The following COL12A1 variants were observed in gnomAD, a reference collection of about 807,000 sequenced individuals.
The protein encoded by COL12A1 is collagen type XII alpha 1 chain, also known as collagen alpha-1(XII) chain.
A neutral mutation model predicts 349.7 loss-of-function variants in COL12A1; 114 were observed. The observed-to-expected ratio is 0.33, with a 90% confidence interval of 0.28 to 0.38. The LOEUF (loss-of-function observed/expected upper bound fraction) is 0.38. Ranked by LOEUF, COL12A1 falls within the 10% of genes least tolerant of loss-of-function variation. COL12A1 has a pLI of 1.00. For missense variants in COL12A1, 3,284 were observed against 3,756.9 expected (o/e 0.87, Z 3.29); for synonymous variants, 1,369 against 1,329.0 (o/e 1.03, Z -0.66).
rs370728186 is a variant in COL12A1, at chr6:75,101,589, A to G, written c.8523+11T>C. 39 of 1,612,578 alleles carry G rather than the reference A, an allele frequency of 2.4e-5. No homozygotes were observed. The highest frequency in any genetic ancestry group is 3.3e-5 in the Non-Finnish European group (39 of 1,179,432). Reference sequence around the variant, plus strand: ...TTCCAACATCATTGTAGCCTGCTCAAGAAAACTTACTCTGTCTCCTGGAGG... The same window carrying G: ...TTCCAACATCATTGTAGCCTGCTCAGGAAAACTTACTCTGTCTCCTGGAGG... On this transcript the variant is annotated intron_variant, in intron 58 of 65. Transcript: ENST00000322507.
At chr6:75,143,422 C>T in intron 25 of COL12A1, 34 bp from the exon 26 acceptor site, 1 of 1,602,406 alleles carries the variant, frequency 6.2e-7, no homozygotes, top group East Asian at 2.2e-5. Context: ...TCCAGATGTG[C>T]TTCTCAACCA....
rs1391133486 is a variant in COL12A1 at position 75,146,110 on chromosome 6, G to T, written c.4552C>A (p.Pro1518Thr). The T allele has an allele frequency of 6.3e-7, 1 of 1,598,182 alleles. No homozygotes were observed. The highest frequency in any genetic ancestry group is 8.5e-7 in the Non-Finnish European group (1 of 1,174,006). The change falls in exon 24 of 66, where the codon CCC (proline) becomes ACC (threonine). Residue 1518 changes from proline to threonine, a missense_variant. Coordinates refer to ENST00000322507, the MANE Select transcript of COL12A1 (RefSeq NM_004370.6). ...KPVKDTEPTR[P>T]KEVRLGPTVN... The stretch of plus-strand genomic sequence containing the variant: ...AAACAAACATCTTTCACCTCTTTGG[G>T]TCTTGTTGGCTCTGTGTCCTTAACA...
At chr6:75,128,661 A>G (rs979881073) in intron 37 of COL12A1, among the ~76,000 whole-genome samples, 25 of 152,328 alleles carry the variant, frequency 1.6e-4, no homozygotes, top group Middle Eastern at 3.4e-3. Flanking sequence ...CTTAACAGCC[A>G]CGTGACTTAA....
chr6:75,123,953 T>A lies in COL12A1; in HGVS notation c.6866A>T (p.His2289Leu). The stretch of plus-strand genomic sequence containing the variant: ...CAGATTCCTCAAAAACTTACTGGTA[T>A]GTTCTTTAACAGAGACTCCTGGTCC... ...LEGPGVSVKE[H>L]TTVKPTEAPT... The change falls in exon 42 of 66, where the codon CAT (histidine) becomes CTT (leucine). Residue 2289 changes from histidine (H) to leucine (L), a missense_variant. His to Leu is a moderately conservative substitution (Grantham distance 99). This residue lies in a region of COL12A1 where 2,601 missense variants were observed against 2,824.8 expected (regional missense o/e 0.92). Coordinates refer to ENST00000322507, the MANE Select transcript of COL12A1 (RefSeq NM_004370.6). 6.2e-7 allele frequency: 1 copy of A among 1,606,712 alleles called. No homozygotes were observed. The highest frequency in any genetic ancestry group is 8.5e-7 in the Non-Finnish European group (1 of 1,174,834).
At chr6:75,155,497 C>A (rs915255021) in intron 16 of COL12A1, among the ~76,000 whole-genome samples, 165 bp downstream of exon 16, 3 of 152,132 alleles carry the variant, frequency 2.0e-5, no homozygotes, top group Admixed American at 2.0e-4. Context: ...AACTTCAACT[C>A]CAGCAGCACC....
chr6:75,161,339 T>C lies in COL12A1; in HGVS notation c.2983+4168A>G, dbSNP rs191298585. The stretch of plus-strand genomic sequence containing the variant: ...TAATACAATGTAAATGTCATATAAA[T>C]AATTATTATACTGTATTTTACTAGC... On this transcript the variant is annotated intron_variant, in intron 14 of 65. Transcript: ENST00000322507. Among the ~76,000 whole-genome samples the C allele has an allele frequency of 1.8e-3, 269 of 150,028 alleles. 4 individuals carry two copies. The highest frequency in any genetic ancestry group is 6.7e-3 in the African/African-American group (262 of 39,394).
At chr6:75,174,611 T>C (rs1023916041) in intron 13 of COL12A1, among the ~76,000 whole-genome samples, 36 of 152,144 alleles carry the variant, frequency 2.4e-4, no homozygotes, top group Non-Finnish European at 1.5e-5. Context: ...GCATGGTAAA[T>C]GGAAAGAGCA....
chr6:75,129,775 T>C (rs967473814), intron 37 of COL12A1, among the ~76,000 whole-genome samples: 16 of 152,206 alleles, frequency 1.1e-4, no homozygotes, highest in African/African-American at 1.7e-4. Flanking sequence ...GAATGATAGG[T>C]ATCACATTTC....
chr6:75,152,260 C>A lies in COL12A1; in HGVS notation c.3716-10G>T, dbSNP rs1266406462. ...CTATACTGAGCAAGAGCTAAAATGACACCACTGGCATTAGTGCATGTGAAA... is the reference window on the plus strand; with the variant it reads ...CTATACTGAGCAAGAGCTAAAATGAAACCACTGGCATTAGTGCATGTGAAA... On this transcript the variant is annotated splice_polypyrimidine_tract_variant and intron_variant, in intron 18 of 65. Transcript: ENST00000322507. The A allele has an allele frequency of 6.2e-7, 1 of 1,613,704 alleles. No homozygotes were observed. Among genetic ancestry groups the A allele is most frequent in the Non-Finnish European group, 8.5e-7 (1 of 1,179,740 alleles).
intron 1 of COL12A1, among the ~76,000 whole-genome samples, chr6:75,204,504 G>A (rs1177666815): frequency 2.0e-5 from 3 of 152,140 alleles, no homozygotes; most frequent in African/African-American, 7.2e-5. Flanking sequence ...GTCAATATAT[G>A]TTTTAAAAAA....
chr6:75,192,813 A>G (rs142391748), intron 3 of COL12A1, among the ~76,000 whole-genome samples: 148 of 152,256 alleles, frequency 9.7e-4, no homozygotes, highest in African/African-American at 3.4e-3. Flanking sequence ...ACCAACCCCT[A>G]GTGGGAAAAA....
At chr6:75,141,743 C>T (rs1028729602) in intron 27 of COL12A1, among the ~76,000 whole-genome samples, 1 of 152,160 alleles carries the variant, frequency 6.6e-6, no homozygotes, top group African/African-American at 2.4e-5. Flanking sequence ...AACTTGCCCA[C>T]CCCACTACAC....
At chr6:75,189,508 A>G (rs1769813449) in intron 6 of COL12A1, 44 bp downstream of exon 6, 3 of 1,587,720 alleles carry the variant, frequency 1.9e-6, no homozygotes, top group African/African-American at 1.4e-5. Flanking sequence ...TCTGAAACAG[A>G]CATTTCATTT....
At chr6:75,126,546 G>A (rs1766027461) in intron 38 of COL12A1, 76 bp from the exon 39 acceptor site, 3 of 1,481,258 alleles carry the variant, frequency 2.0e-6, no homozygotes, top group South Asian at 2.7e-5. Flanking sequence ...AAAAGTATCG[G>A]TAGGAAAGCC....
rs1236499281 is a variant in COL12A1 at position 75,140,655 on chromosome 6, C to CAAAAAAAAAAAAAA, written c.4957+1363_4957+1376dup. On this transcript the variant is annotated intron_variant, in intron 27 of 65. Coordinates refer to ENST00000322507, the MANE Select transcript of COL12A1 (RefSeq NM_004370.6). ...TGGGTGACAGAGCGAGACTCTGTCT[C>CAAAAAAAAAAAAAA]AAAAAAAAAAAAAAAAAAAAAAAGC... 3.1e-3 allele frequency among the ~76,000 whole-genome samples: 144 copies of CAAAAAAAAAAAAAA among 46,130 alleles called. 15 individuals are homozygous for CAAAAAAAAAAAAAA. The highest frequency in any genetic ancestry group is 0.012 in the African/African-American group (136 of 11,148). The allele number at this position is 46,130 out of a possible 152,430, so 30.3% of individuals were successfully genotyped here.
rs761099959 is a variant in COL12A1, at chr6:75,205,814, C to G, written c.-73G>C. On this transcript the variant is annotated 5_prime_UTR_variant, in exon 1 of 66. Transcript: ENST00000322507. ...CAACAGGGAGAGGTAGCGGCGGCGA[C>G]AGCGGCTTCCCGGCGTCGGAGAAGC... 4 of 156,978 alleles carry G rather than the reference C, an allele frequency of 2.5e-5. No homozygotes were observed. Among genetic ancestry groups the G allele is most frequent in the African/African-American group, 9.6e-5 (4 of 41,558 alleles). The allele number at this position is 156,978 out of a possible 1,614,324, so 9.7% of individuals were successfully genotyped here. A position where few individuals can be genotyped will look rare whatever the true frequency, so the allele number is the denominator to read the frequency against.
intron 27 of COL12A1, 100 bp downstream of exon 27, chr6:75,141,932 G>A: frequency 7.0e-7 from 1 of 1,427,496 alleles, no homozygotes; most frequent in Non-Finnish European, 9.6e-7. Context: ...TTAAACACTG[G>A]CAAAGGTAGC....
intron 2 of COL12A1, 147 bp from the exon 3 acceptor site, chr6:75,195,094 T>G (rs1486411692): frequency 1.9e-6 from 1 of 527,492 alleles, no homozygotes; most frequent in Admixed American, 3.6e-5. Flanking sequence ...TGTTGTTGGA[T>G]AAGAATAAAA....
chr6:75,169,866 G>A (rs983021929), intron 13 of COL12A1, among the ~76,000 whole-genome samples: 1 of 152,054 alleles, frequency 6.6e-6, no homozygotes, highest in Non-Finnish European at 1.5e-5. Flanking sequence ...AACTCTATCA[G>A]GTTTTGAAAT....
Sources: gnomAD v4.1 joint callset for allele counts (sites outside exome capture counted in the v4.1 genomes callset) on GRCh38, gnomAD v4.1.1 for gene constraint, gnomAD v4.1.1 regional missense constraint, MANE v1.5 for transcripts, NCBI Gene and HGNC (gene_info 2026-07-23, HGNC 2026-07-21) for gene names.